Variants in MRPL1 observed in about 807,000 individuals in gnomAD.
MRPL1 encodes mitochondrial ribosomal protein L1, also known as large ribosomal subunit protein uL1m.
MRPL1 carries 28 observed loss-of-function variants against 38.0 expected under a neutral mutation model. The ratio of observed to expected loss-of-function variants is 0.74; its 90% confidence interval spans 0.55 to 1.01. The LOEUF (loss-of-function observed/expected upper bound fraction) is 1.01, where lower values mean the gene tolerates loss of function less well. MRPL1 is among the 50% of genes least tolerant of loss of function. The pLI is 0.00. For synonymous variants in MRPL1, 123 were observed against 126.7 expected (o/e 0.97, Z 0.20); for missense variants, 358 against 389.8 (o/e 0.92, Z 0.69).
chr4:77,900,156 TATTC>T (rs1736002497), intron 6 of MRPL1, among the ~76,000 whole-genome samples: 1 of 152,250 alleles, frequency 6.6e-6, no homozygotes, highest in South Asian at 2.1e-4. Flanking sequence ...CTAAAGTAGC[TATTC>T]ATTCTCCACA....
At chr4:77,902,871 T>C (rs1399626595) in intron 6 of MRPL1, among the ~76,000 whole-genome samples, 2 of 152,198 alleles carry the variant, frequency 1.3e-5, no homozygotes, top group African/African-American at 4.8e-5. Flanking sequence ...GTATAAGTTC[T>C]CCCATGAAAA....
chr4:77,888,891 G>C (rs1735744259), intron 5 of MRPL1, among the ~76,000 whole-genome samples: 1 of 152,042 alleles, frequency 6.6e-6, no homozygotes, highest in South Asian at 2.1e-4. Flanking sequence ...GGCCCGGTGT[G>C]TGATGTTCCC....
intron 7 of MRPL1, among the ~76,000 whole-genome samples, chr4:77,921,765 G>C (rs1432738122): frequency 6.7e-6 from 1 of 148,346 alleles, no homozygotes. Context: ...AAAGCCTTTC[G>C]TGCAGAGTTT....
At chr4:77,925,391 A>G (rs1736692572) in intron 7 of MRPL1, among the ~76,000 whole-genome samples, 1 of 148,746 alleles carries the variant, frequency 6.7e-6, no homozygotes, top group Non-Finnish European at 1.5e-5. Flanking sequence ...TCGCTCTGTC[A>G]CCCAGTCTGG....
chr4:77,919,697 A>T (rs1736517492), intron 7 of MRPL1, among the ~76,000 whole-genome samples: 1 of 152,166 alleles, frequency 6.6e-6, no homozygotes, highest in South Asian at 2.1e-4. Flanking sequence ...AGAAAAATTT[A>T]AAATGTGTTT....
At chr4:77,921,661 A>G (rs1431250002) in intron 7 of MRPL1, among the ~76,000 whole-genome samples, 1 of 152,208 alleles carries the variant, frequency 6.6e-6, no homozygotes, top group Non-Finnish European at 1.5e-5. Flanking sequence ...AACTACTTTG[A>G]TACAGGAGGA....
At position 77,887,305 on chromosome 4, in the gene MRPL1, T is replaced by G; in HGVS notation, c.558+14T>G. ...CTGATACAGAAGGTACAGTGTTGTT[T>G]TCATGTTCATTAAGTATAGAGATGA... On this transcript the variant is annotated intron_variant, in intron 5 of 8. Coordinates refer to ENST00000315567, the MANE Select transcript of MRPL1 (RefSeq NM_020236.4). 6.3e-7 allele frequency: 1 copy of G among 1,592,456 alleles called. No homozygotes were observed.
At chr4:77,947,105 A>G (rs960280295) in intron 7 of MRPL1, among the ~76,000 whole-genome samples, 19 of 152,280 alleles carry the variant, frequency 1.2e-4, no homozygotes, top group Admixed American at 5.2e-4. Context: ...TACACAAAAA[A>G]GGAAAATCTG....
At chr4:77,909,194 G>A in intron 6 of MRPL1, 72 bp from the exon 7 acceptor site, 2 of 894,836 alleles carry the variant, frequency 2.2e-6, no homozygotes, top group Admixed American at 2.1e-5. Context: ...CATGAGATAT[G>A]TGTTTCTTTT....
chr4:77,926,319 G>C (rs1378905344), intron 7 of MRPL1, among the ~76,000 whole-genome samples: 1 of 152,148 alleles, frequency 6.6e-6, no homozygotes, highest in Non-Finnish European at 1.5e-5. Flanking sequence ...TGAATGCTGA[G>C]AAACTCCCCT....
At chr4:77,919,452 G>T (rs1171484791) in intron 7 of MRPL1, among the ~76,000 whole-genome samples, 1 of 151,758 alleles carries the variant, frequency 6.6e-6, no homozygotes, top group East Asian at 1.9e-4. Context: ...CTTTCTGTTT[G>T]TCAAAAACTA....
intron 2 of MRPL1, among the ~76,000 whole-genome samples, chr4:77,873,144 T>G (rs967358036): frequency 1.3e-5 from 2 of 152,260 alleles, no homozygotes; most frequent in African/African-American, 4.8e-5. Context: ...TAATAATAGT[T>G]AAAATTTATA....
At position 77,862,854 on chromosome 4, in the gene MRPL1, G is replaced by A; in HGVS notation, c.6G>A (p.Ala2=). M[A]AAVRCMGRAL... is the part of the protein sequence containing the mutation. ...CGCAATCCGGAGTGCCCAACATGGCGGCGGCCGTAAGGTGCATGGGTAGAG... is the reference window on the plus strand; with the variant it reads ...CGCAATCCGGAGTGCCCAACATGGCAGCGGCCGTAAGGTGCATGGGTAGAG... Residue 2 remains alanine (A), a synonymous_variant, in exon 1 of 9, where the codon GCG becomes GCA. Transcript: ENST00000315567. The A allele has an allele frequency of 6.2e-7, 1 of 1,614,114 alleles. No homozygotes were observed. Among genetic ancestry groups the A allele is most frequent in the Non-Finnish European group, 8.5e-7 (1 of 1,180,012 alleles).
chr4:77,887,372 C>A, intron 5 of MRPL1, 81 bp downstream of exon 5: 1 of 1,128,760 alleles, frequency 8.9e-7, no homozygotes, highest in Non-Finnish European at 1.3e-6. Context: ...ATATGTGGAA[C>A]ACTAGTCTCA....
intron 7 of MRPL1, among the ~76,000 whole-genome samples, chr4:77,910,354 G>T (rs1395432964): frequency 6.6e-6 from 1 of 152,072 alleles, no homozygotes; most frequent in Non-Finnish European, 1.5e-5. Context: ...ACTCTTAAGG[G>T]GAATTCTGCA....
chr4:77,921,348 G>T (rs1008794159), intron 7 of MRPL1, among the ~76,000 whole-genome samples: 5 of 151,958 alleles, frequency 3.3e-5, no homozygotes, highest in African/African-American at 1.2e-4. Context: ...ATGTACTTAT[G>T]ATGGTGGAGT....
In MRPL1 at chr4:77,890,420, TC is replaced by T. The variant is rs1252602374; in HGVS notation, c.558+3130del. Among the ~76,000 whole-genome samples, 54 of 152,236 alleles carry T rather than the reference TC, an allele frequency of 3.5e-4. 1 individual carries two copies. The South Asian group carries it at 0.011, about 31-fold the overall frequency. ...ATCTCAATAGATGCAGAAAAGACCT[TC>T]GACAAAATTCAACAGCCCTTCATGC... On this transcript the variant is annotated intron_variant, in intron 5 of 8. Coordinates refer to ENST00000315567, the MANE Select transcript of MRPL1 (RefSeq NM_020236.4).
intron 8 of MRPL1, among the ~76,000 whole-genome samples, chr4:77,951,746 G>A (rs1039934610): frequency 3.5e-4 from 53 of 152,124 alleles, no homozygotes; most frequent in African/African-American, 9.9e-4. Flanking sequence ...GTTTCCTCCC[G>A]CATCCCAAAG....
intron 7 of MRPL1, among the ~76,000 whole-genome samples, chr4:77,925,419 T>G (rs1350853222): frequency 6.6e-6 from 1 of 151,226 alleles, no homozygotes; most frequent in Non-Finnish European, 1.5e-5. Context: ...TGGTGTGATC[T>G]CGGCTCACTG....
Sources: gnomAD v4.1 joint callset for allele counts (sites outside exome capture counted in the v4.1 genomes callset) on GRCh38, gnomAD v4.1.1 for gene constraint, MANE v1.5 for transcripts, NCBI Gene and HGNC (gene_info 2026-07-23, HGNC 2026-07-21) for gene names.